Variants in RAB2A observed in about 807,000 individuals in gnomAD.
RAB2A encodes the protein RAB2A, member RAS oncogene family.
In RAB2A, 7 loss-of-function variants were observed where a neutral mutation model predicts 32.5. That is an observed-to-expected ratio of 0.22 (90% confidence interval 0.12 to 0.40). RAB2A has a LOEUF of 0.40. Ranked by LOEUF, RAB2A falls within the 10% of genes least tolerant of loss-of-function variation. The pLI is 1.00. For synonymous variants in RAB2A, 79 were observed against 85.2 expected (o/e 0.93, Z 0.40); for missense variants, 108 against 260.7 (o/e 0.41, Z 4.03).
intron 1 of RAB2A, among the ~76,000 whole-genome samples, chr8:60,546,919 G>C (rs1324412086): frequency 1.3e-5 from 1 of 75,892 alleles, no homozygotes; most frequent in Non-Finnish European, 2.6e-5. Context: ...TTTTTTTATT[G>C]ATCATTCTTG....
At chr8:60,596,492 AACAG>A (rs1376990289) in intron 6 of RAB2A, among the ~76,000 whole-genome samples, 1 of 152,246 alleles carries the variant, frequency 6.6e-6, no homozygotes, top group Non-Finnish European at 1.5e-5. Context: ...GAAGGATATG[AACAG>A]ACACTTTTCA....
At chr8:60,587,050 A>G (rs775041006) in intron 5 of RAB2A, among the ~76,000 whole-genome samples, 1 of 152,146 alleles carries the variant, frequency 6.6e-6, no homozygotes, top group East Asian at 1.9e-4. Flanking sequence ...TGCAAAGGCC[A>G]CGGAATAGCC....
At chr8:60,591,372 TAAAC>T (rs1407466247) in intron 5 of RAB2A, among the ~76,000 whole-genome samples, 4 of 151,908 alleles carry the variant, frequency 2.6e-5, no homozygotes, top group Non-Finnish European at 2.9e-5. Flanking sequence ...AACTGGGAAT[TAAAC>T]AAACTGGGAT....
chr8:60,520,741 C>G (rs1200115878), intron 1 of RAB2A, among the ~76,000 whole-genome samples: 1 of 152,204 alleles, frequency 6.6e-6, no homozygotes, highest in African/African-American at 2.4e-5. Flanking sequence ...CAGTCCCAGT[C>G]CCACTTACAT....
chr8:60,590,317 A>G (rs1461089342), intron 5 of RAB2A, among the ~76,000 whole-genome samples: 3 of 151,664 alleles, frequency 2.0e-5, no homozygotes, highest in Non-Finnish European at 2.9e-5. Flanking sequence ...GATTTTTACA[A>G]TTCATTGAGT....
chr8:60,537,091 T>A (rs1250736215), intron 1 of RAB2A, among the ~76,000 whole-genome samples: 1 of 152,240 alleles, frequency 6.6e-6, no homozygotes, highest in Non-Finnish European at 1.5e-5. Flanking sequence ...CACAGTAATT[T>A]CTAGGTTTTT....
At chr8:60,594,247 A>C (rs1803987477) in intron 6 of RAB2A, among the ~76,000 whole-genome samples, 1 of 152,226 alleles carries the variant, frequency 6.6e-6, no homozygotes, top group Middle Eastern at 3.2e-3. Context: ...TAAATGTGGC[A>C]AAAAGTATAT....
chr8:60,548,509 G>C (rs1455450655), intron 1 of RAB2A, among the ~76,000 whole-genome samples: 1 of 42,558 alleles, frequency 2.3e-5, no homozygotes, highest in Non-Finnish European at 3.7e-5. Flanking sequence ...CTGGCCGGGC[G>C]GGGGGCTGAC....
chr8:60,549,813 G>A (rs1807817027), intron 1 of RAB2A, among the ~76,000 whole-genome samples: 1 of 151,588 alleles, frequency 6.6e-6, no homozygotes, highest in East Asian at 1.9e-4. Flanking sequence ...TGTTTATAGG[G>A]GATTCCTTTC....
At chr8:60,517,678 TCCTGACCAGTCCAA>T (rs1563455656) in intron 1 of RAB2A, among the ~76,000 whole-genome samples, 1 of 152,146 alleles carries the variant, frequency 6.6e-6, no homozygotes, top group Non-Finnish European at 1.5e-5. Flanking sequence ...GGGTCTTGGT[TCCTGACCAGTCCAA>T]CCTTCCTCCA....
At position 60,616,423 on chromosome 8, in the gene RAB2A, G is replaced by A. The variant is rs534915662; in HGVS notation, c.475-2157G>A. Among the ~76,000 whole-genome samples the A allele has an allele frequency of 5.9e-5, 9 of 152,308 alleles. No homozygotes were observed. In the South Asian group the frequency reaches 1.9e-3, roughly 32 times the overall value. On this transcript the variant is annotated intron_variant, in intron 6 of 7. Coordinates refer to ENST00000262646, the MANE Select transcript of RAB2A (RefSeq NM_002865.3). The stretch of plus-strand genomic sequence containing the variant: ...TGTGCACATGTGGATGCTCTTGGAA[G>A]CACTTCCAGCCCTGTGAATTTATGT...
At chr8:60,606,518 A>C (rs951059472) in intron 6 of RAB2A, among the ~76,000 whole-genome samples, 4 of 152,212 alleles carry the variant, frequency 2.6e-5, no homozygotes, top group African/African-American at 9.6e-5. Context: ...CCAAGACAAC[A>C]CTTTGAAGTT....
At position 60,605,832 on chromosome 8, in the gene RAB2A, C is replaced by CAT. The variant is rs1328541490; in HGVS notation, c.475-12742_475-12741dup. Among the ~76,000 whole-genome samples, 14 of 120,804 alleles carry CAT rather than the reference C, an allele frequency of 1.2e-4. 1 individual carries two copies. Among genetic ancestry groups the CAT allele is most frequent in the African/African-American group, 5.0e-4 (13 of 26,070 alleles). 79.3% of individuals were successfully genotyped at this position (120,804 alleles called of 152,430 possible). On this transcript the variant is annotated intron_variant, in intron 6 of 7. Transcript: ENST00000262646. ...GGCTCATAGGCAAAAGGGACTAATACATATATACATATATATATATAATGC... is the reference window on the plus strand; with the variant it reads ...GGCTCATAGGCAAAAGGGACTAATACATATATATACATATATATATATAATGC...
At chr8:60,598,113 G>T (rs563597636) in intron 6 of RAB2A, among the ~76,000 whole-genome samples, 8 of 152,258 alleles carry the variant, frequency 5.3e-5, no homozygotes, top group African/African-American at 1.9e-4. Flanking sequence ...CAGGAAAATC[G>T]CTTGAACCCA....
Position 60,572,040 on chromosome 8 carries a change from AT to A in RAB2A, c.119-3del, listed in dbSNP as rs1405492931. Reference sequence around the variant, plus strand: ...TTTGTAACAAATCATTTCCTACTCTATTTAGGTGTAGAGTTCGGTGCTCGAA... The same window carrying A: ...TTTGTAACAAATCATTTCCTACTCTATTAGGTGTAGAGTTCGGTGCTCGAA... On this transcript the variant is annotated splice_polypyrimidine_tract_variant and splice_region_variant and intron_variant, in intron 2 of 7. Coordinates refer to ENST00000262646, the MANE Select transcript of RAB2A (RefSeq NM_002865.3). 6.3e-7 allele frequency: 1 copy of A among 1,596,346 alleles called. No homozygotes were observed. The highest frequency in any genetic ancestry group is 8.6e-7 in the Non-Finnish European group (1 of 1,166,278).
intron 3 of RAB2A, among the ~76,000 whole-genome samples, chr8:60,577,921 C>T (rs1478411701): frequency 6.7e-6 from 1 of 149,842 alleles, no homozygotes; most frequent in Non-Finnish European, 1.5e-5. Context: ...GGATTATAGG[C>T]GTGAGCCACC....
intron 6 of RAB2A, among the ~76,000 whole-genome samples, chr8:60,615,480 A>G (rs569712027): frequency 6.6e-6 from 1 of 152,324 alleles, no homozygotes; most frequent in East Asian, 1.9e-4. Flanking sequence ...GATTAGAAAC[A>G]TCTATACCTT....
intron 5 of RAB2A, among the ~76,000 whole-genome samples, chr8:60,591,477 T>G (rs28502534): frequency 0.04 from 6,068 of 152,272 alleles, 146 homozygotes; most frequent in Non-Finnish European, 0.058. Flanking sequence ...TCATAGAAAC[T>G]CAGTCAGTCT....
Position 60,563,249 on chromosome 8 carries a change from C to T in RAB2A, c.118+4326C>T, listed in dbSNP as rs546317166. On this transcript the variant is annotated intron_variant, in intron 2 of 7. Transcript: ENST00000262646. ...AGCCTCTATACAAATATTCTTTAACCTTTGACTATCTTTGAGTCATAGAAA... is the reference window on the plus strand; with the variant it reads ...AGCCTCTATACAAATATTCTTTAACTTTTGACTATCTTTGAGTCATAGAAA... Among the ~76,000 whole-genome samples the T allele has an allele frequency of 3.3e-5, 5 of 152,212 alleles. No individual in the cohort carries two copies. In the South Asian group the frequency reaches 1.0e-3, roughly 32 times the overall value.
Sources: gnomAD v4.1 joint callset for allele counts (sites outside exome capture counted in the v4.1 genomes callset) on GRCh38, gnomAD v4.1.1 for gene constraint, MANE v1.5 for transcripts, NCBI Gene and HGNC (gene_info 2026-07-23, HGNC 2026-07-21) for gene names.